Variants in SP140L observed in about 807,000 individuals in gnomAD.
The protein encoded by SP140L is SP140 like nuclear body protein, also known as nuclear body protein SP140-like protein.
In SP140L, 64 loss-of-function variants were observed where a neutral mutation model predicts 84.3. The observed-to-expected ratio is 0.76, with a 90% CI of 0.62 to 0.94. The LOEUF is 0.94. Ranked by LOEUF, SP140L falls within the 40% of genes least tolerant of loss-of-function variation. The probability of loss-of-function intolerance (pLI) is 0.00; values close to 1 mark genes in which losing one functional copy is unlikely to be tolerated. For synonymous variants in SP140L, 242 were observed against 236.9 expected, an observed-to-expected ratio of 1.02 and a Z score of -0.20; for missense variants, 628 against 692.5, an observed-to-expected ratio of 0.91 and a Z score of 1.05.
At chr2:230,376,725 C>G (rs1484580722) in intron 7 of SP140L, among the ~76,000 whole-genome samples, 2 of 151,686 alleles carry the variant, frequency 1.3e-5, no homozygotes, top group Non-Finnish European at 2.9e-5. Context: ...AAAAGGAATC[C>G]TAAAATTTGT....
chr2:230,369,369 A>G (rs2060983207), intron 5 of SP140L, among the ~76,000 whole-genome samples: 2 of 152,006 alleles, frequency 1.3e-5, no homozygotes, highest in Admixed American at 6.6e-5. Flanking sequence ...GGGTTCACTG[A>G]GGCTGAAGTA....
chr2:230,355,560 A>T (rs939879318), intron 2 of SP140L, among the ~76,000 whole-genome samples: 5 of 152,222 alleles, frequency 3.3e-5, no homozygotes, highest in Non-Finnish European at 1.5e-5. Context: ...ATTTGAAAAG[A>T]TATGTGGAAA....
At chr2:230,373,626 C>T (rs1450821358) in intron 7 of SP140L, among the ~76,000 whole-genome samples, 4 of 152,144 alleles carry the variant, frequency 2.6e-5, no homozygotes, top group East Asian at 1.9e-4. Context: ...TGACAGTGCA[C>T]GTAGTCATAC....
Position 230,393,461 on chromosome 2 carries a change from GGTGATT to G in SP140L, c.1155+1_1155+6del. On this transcript the variant is annotated splice_donor_variant and splice_donor_5th_base_variant and intron_variant, in intron 13 of 18. Coordinates refer to ENST00000415673, the MANE Select transcript of SP140L (RefSeq NM_138402.6). LOFTEE classifies it high-confidence loss of function. Reference sequence around the variant, plus strand: ...CAAGAATATATTACAGGAACAAAAAGGTGATTATTACATAATTTTCTACAGATTCTT... The same window carrying G: ...CAAGAATATATTACAGGAACAAAAAGATTACATAATTTTCTACAGATTCTT... The G allele has an allele frequency of 6.4e-7, 1 of 1,571,104 alleles. No homozygotes were observed.
chr2:230,354,884 A>AGAAAGAAG (rs1553617605), intron 2 of SP140L, among the ~76,000 whole-genome samples: 1 of 149,890 alleles, frequency 6.7e-6, no homozygotes, highest in Non-Finnish European at 1.5e-5. Context: ...AAAGAAAGAA[A>AGAAAGAAG]GAAAGAAAGA....
chr2:230,377,810 T>C (rs545628267), intron 7 of SP140L, among the ~76,000 whole-genome samples: 2 of 151,904 alleles, frequency 1.3e-5, no homozygotes, highest in African/African-American at 4.8e-5. Context: ...TACTTGATAG[T>C]GTTAGTAAAA....
intron 7 of SP140L, among the ~76,000 whole-genome samples, chr2:230,378,769 G>T (rs1013129883): frequency 2.6e-5 from 4 of 152,148 alleles, no homozygotes; most frequent in African/African-American, 9.7e-5. Context: ...TGAGCTATTT[G>T]TTAGGCTCTG....
chr2:230,380,145 C>T (rs1454007917), intron 7 of SP140L, among the ~76,000 whole-genome samples: 1 of 151,798 alleles, frequency 6.6e-6, no homozygotes, highest in African/African-American at 2.4e-5. Context: ...AGGTGAAAGG[C>T]ACGTCTTACA....
intron 7 of SP140L, among the ~76,000 whole-genome samples, chr2:230,375,395 C>T (rs1282596134): frequency 1.3e-5 from 2 of 152,226 alleles, no homozygotes; most frequent in Admixed American, 6.5e-5. Flanking sequence ...GGTTTCATTT[C>T]CTTTGGATAC....
At chr2:230,358,204 A>G (rs2060608457) in intron 3 of SP140L, among the ~76,000 whole-genome samples, 1 of 152,370 alleles carries the variant, frequency 6.6e-6, no homozygotes, top group East Asian at 1.9e-4. Flanking sequence ...TGTAGAATTC[A>G]TACACTATAA....
chr2:230,384,054 A>G (rs1474601298), intron 8 of SP140L, among the ~76,000 whole-genome samples: 2 of 152,160 alleles, frequency 1.3e-5, no homozygotes, highest in Non-Finnish European at 2.9e-5. Context: ...AAGAGATATA[A>G]AGCTATAGAA....
chr2:230,378,600 G>A (rs1365131583), intron 7 of SP140L, among the ~76,000 whole-genome samples: 1 of 152,168 alleles, frequency 6.6e-6, no homozygotes, highest in South Asian at 2.1e-4. Flanking sequence ...TGCAGTCTTG[G>A]AGGTATTCTT....
At chr2:230,344,633 G>A (rs1268503811) in intron 2 of SP140L, among the ~76,000 whole-genome samples, 1 of 152,196 alleles carries the variant, frequency 6.6e-6, no homozygotes, top group Non-Finnish European at 1.5e-5. Context: ...GTGTACTTCA[G>A]TGTGTTTTTG....
chr2:230,373,406 C>T (rs2061148802), intron 7 of SP140L, among the ~76,000 whole-genome samples: 1 of 152,202 alleles, frequency 6.6e-6, no homozygotes, highest in African/African-American at 2.4e-5. Context: ...GAGCAGGTGA[C>T]TTTCTCTTGA....
At chr2:230,401,863 TG>T in intron 18 of SP140L, 56 bp downstream of exon 18, 2 of 1,593,204 alleles carry the variant, frequency 1.3e-6, no homozygotes, top group Non-Finnish European at 1.7e-6. Context: ...CCTCATTTTC[TG>T]GTGCCTAGAA....
At chr2:230,399,858 T>C in intron 14 of SP140L, 1 of 321,486 alleles carries the variant, frequency 3.1e-6, no homozygotes, top group Admixed American at 4.2e-5. Context: ...GATCATCCTC[T>C]TGCTTTGTTG....
At chr2:230,363,285 C>A (rs1359056560) in intron 5 of SP140L, among the ~76,000 whole-genome samples, 1 of 152,174 alleles carries the variant, frequency 6.6e-6, no homozygotes, top group African/African-American at 2.4e-5. Flanking sequence ...TTTCCATTAA[C>A]AGTGTACAAG....
At chr2:230,331,154 A>G (rs1479992106) in intron 2 of SP140L, among the ~76,000 whole-genome samples, 1 of 152,234 alleles carries the variant, frequency 6.6e-6, no homozygotes, top group African/African-American at 2.4e-5. Flanking sequence ...AAAAAATCAC[A>G]TGCTAAGGTT....
chr2:230,380,864 T>TA (rs1219627003), intron 7 of SP140L, among the ~76,000 whole-genome samples: 1 of 152,234 alleles, frequency 6.6e-6, no homozygotes, highest in African/African-American at 2.4e-5. Flanking sequence ...GAATTTTGTT[T>TA]ATAATTCTCC....
Sources: gnomAD v4.1 joint callset for allele counts (sites outside exome capture counted in the v4.1 genomes callset) on GRCh38, gnomAD v4.1.1 for gene constraint, MANE v1.5 for transcripts, NCBI Gene and HGNC (gene_info 2026-07-23, HGNC 2026-07-21) for gene names.